RIF1: variants seen among roughly 807,000 people sequenced by gnomAD.
RIF1 encodes the protein replication timing regulatory factor 1, also known as telomere-associated protein RIF1.
A neutral mutation model predicts 247.1 loss-of-function variants in RIF1; 45 were observed. The observed-to-expected ratio is 0.18, with a 90% CI of 0.14 to 0.23. RIF1 has a LOEUF of 0.23. RIF1 is among the 10% of genes least tolerant of loss of function. The pLI is 1.00. For synonymous variants in RIF1, 1,087 were observed against 978.8 expected, an observed-to-expected ratio of 1.11 and a Z score of -2.06; for missense variants, 2,967 against 2,862.5, an observed-to-expected ratio of 1.04 and a Z score of -0.83.
At chr2:151,418,511 C>G (rs537313997) in intron 6 of RIF1, among the ~76,000 whole-genome samples, 1 of 152,270 alleles carries the variant, frequency 6.6e-6, no homozygotes, top group Non-Finnish European at 1.5e-5. Flanking sequence ...GGGCAGCTTA[C>G]TGTAACTTTA....
At chr2:151,469,190 T>G (rs1428364089) in intron 33 of RIF1, among the ~76,000 whole-genome samples, 1 of 152,228 alleles carries the variant, frequency 6.6e-6, no homozygotes, top group African/African-American at 2.4e-5. Context: ...GTTTCCTTGA[T>G]GTTTTAAGTC....
At chr2:151,456,471 A>G (rs554787010) in intron 22 of RIF1, 107 bp from the exon 23 acceptor site, 10 of 633,098 alleles carry the variant, frequency 1.6e-5, no homozygotes, top group South Asian at 4.0e-5. Context: ...TATATCATCA[A>G]TTTATATTTA....
Position 151,420,390 on chromosome 2 carries a change from T to C in RIF1, c.693+11T>C, listed in dbSNP as rs1242536008. On this transcript the variant is annotated intron_variant, in intron 7 of 35. Transcript: ENST00000444746. The stretch of plus-strand genomic sequence containing the variant: ...CAGCTTATGACTACTGTGAGTGTTC[T>C]TTTATGTAAGAATTTTCTGGATACT... 4.3e-6 allele frequency: 7 copies of C among 1,612,356 alleles called. No individual in the cohort carries two copies. The highest frequency in any genetic ancestry group is 5.9e-6 in the Non-Finnish European group (7 of 1,178,788).
At position 151,481,207 on chromosome 2, in the gene RIF1, T is replaced by G. The variant is rs2049154754; in HGVS notation, c.*6136T>G. On this transcript the variant is annotated 3_prime_UTR_variant, in exon 36 of 36. Transcript: ENST00000444746. ...GTTTTGCTCATGCATGGCATGTTAG[T>G]CAATTTAGTTATTTGCTTCTAGCTG... 1 of 152,222 alleles carries G rather than the reference T, an allele frequency of 6.6e-6. No homozygotes were observed. Among genetic ancestry groups the G allele is most frequent in the Non-Finnish European group, 1.5e-5 (1 of 68,050 alleles). The allele number at this position is 152,222 out of a possible 1,614,324, so 9.4% of individuals were successfully genotyped here.
rs1341334782 is a variant in RIF1 at position 151,464,074 on chromosome 2, C to A, written c.4554C>A (p.Thr1518=). The change falls in exon 30 of 36, where the codon ACC becomes ACA. Residue 1518 remains threonine, a synonymous_variant. Transcript: ENST00000444746. ...ACATTAAGTCTGAGGGGGATGGTAC[C>A]CAGGACATTGTAGATAAGTCCTCTG... The part of the protein sequence containing the change: ...PENIKSEGDG[T]QDIVDKSSEK... 7.4e-6 allele frequency: 12 copies of A among 1,612,818 alleles called. No homozygotes were observed. The highest frequency in any genetic ancestry group is 1.3e-5 in the African/African-American group (1 of 74,712).
chr2:151,422,893 G>A (rs571658026), intron 7 of RIF1, 57 bp from the exon 8 acceptor site: 3 of 879,006 alleles, frequency 3.4e-6, no homozygotes, highest in South Asian at 1.5e-5. Context: ...CTAGACTTTG[G>A]TATTGGATTT....
At chr2:151,423,324 C>G (rs572085954) in intron 8 of RIF1, 45 of 296,046 alleles carry the variant, frequency 1.5e-4, no homozygotes, top group Non-Finnish European at 2.5e-4. Context: ...TGTTTTAGTT[C>G]TCATACCTTA....
In RIF1 at chr2:151,491,756, A is replaced by G. The variant is rs2152811147; in HGVS notation, c.*416-3473A>G. 2 of 1,591,720 alleles carry G rather than the reference A, an allele frequency of 1.3e-6. No homozygotes were observed. The highest frequency in any genetic ancestry group is 1.7e-6 in the Non-Finnish European group (2 of 1,168,192). On this transcript the variant is annotated intron_variant and NMD_transcript_variant, in intron 9 of 13. Transcript: ENST00000454583. Reference sequence around the variant, plus strand: ...CATAGTCAAAAACCGAACCAGGATTAGTACGCCAGACACGTAAACCTGAAA... The same window carrying G: ...CATAGTCAAAAACCGAACCAGGATTGGTACGCCAGACACGTAAACCTGAAA...
Position 151,474,885 on chromosome 2 carries a change from T to C in RIF1, c.7233T>C (p.Ile2411=), listed in dbSNP as rs781461538. 1.3e-6 allele frequency: 2 copies of C among 1,585,848 alleles called. No homozygotes were observed. Among genetic ancestry groups the C allele is most frequent in the African/African-American group, 2.7e-5 (2 of 74,340 alleles). Residue 2411 remains isoleucine, a synonymous_variant, in exon 36 of 36, where the codon ATT becomes ATC. Transcript: ENST00000444746. ...SDIIDPVALE[I]PLSKNLLAQI... is the part of the protein sequence containing the mutation. ...TAATTGATCCTGTTGCTTTAGAAAT[T>C]CCATTATCCAAAAACCTTCTGGCAC... is the stretch of plus-strand genomic sequence containing the variant.
chr2:151,463,362 T>G lies in RIF1; in HGVS notation c.3842T>G (p.Val1281Gly). The G allele has an allele frequency of 6.2e-7, 1 of 1,613,812 alleles. No individual in the cohort carries two copies. The highest frequency in any genetic ancestry group is 8.5e-7 in the Non-Finnish European group (1 of 1,179,960). Residue 1281 changes from valine (V) to glycine (G), a missense_variant, in exon 30 of 36, where the codon GTG becomes GGG. By Grantham distance (109) the Val-to-Gly change is moderately radical. Around this residue, in one of 7 missense-constraint regions of RIF1, gnomAD observed 2,028 missense variants for 1,825.6 expected, o/e 1.11. Coordinates refer to ENST00000444746, the MANE Select transcript of RIF1 (RefSeq NM_018151.5). ...TFSKSDSEKI[V>G]NGTKRSSRRA... is the part of the protein sequence containing the mutation. ...TCAAAATCTGATTCTGAAAAAATAG[T>G]GAATGGAACTAAGAGATCAAGCCGG...
At chr2:151,446,945 CTTTT>C (rs71403169) in intron 20 of RIF1, among the ~76,000 whole-genome samples, 24 of 137,646 alleles carry the variant, frequency 1.7e-4, no homozygotes, top group South Asian at 2.3e-4. Context: ...TTTTCTCTTT[CTTTT>C]TTTTTTTTTT....
intron 10 of RIF1, chr2:151,497,281 A>ATT (rs376283107): frequency 1.5e-5 from 11 of 752,054 alleles, no homozygotes; most frequent in East Asian, 2.6e-4. Flanking sequence ...TATCCATGTT[A>ATT]TTTTTTTTTT....
intron 11 of RIF1, chr2:151,502,782 C>T: frequency 1.3e-6 from 2 of 1,538,520 alleles, no homozygotes; most frequent in East Asian, 2.3e-5. Flanking sequence ...TTTTGGCCCC[C>T]TAAGAAATAC....
Position 151,446,516 on chromosome 2 carries a change from T to C in RIF1, c.2185T>C (p.Leu729=). 1 of 1,613,684 alleles carries C rather than the reference T, an allele frequency of 6.2e-7. No homozygotes were observed. Among genetic ancestry groups the C allele is most frequent in the Non-Finnish European group, 8.5e-7 (1 of 1,179,942 alleles). ...TTTGGTGGCAACAGCAGAAGAGAAC[T>C]TGTGCTGTGAGGAACTTTCTTCCAA... is the stretch of plus-strand genomic sequence containing the variant. ...AALVATAEEN[L]CCEELSSKIM... Residue 729 remains leucine, a synonymous_variant, in exon 20 of 36, where the codon TTG becomes CTG. Coordinates refer to ENST00000444746, the MANE Select transcript of RIF1 (RefSeq NM_018151.5).
intron 9 of RIF1, among the ~76,000 whole-genome samples, chr2:151,494,779 G>T (rs1264871257): frequency 1.3e-5 from 2 of 152,198 alleles, no homozygotes; most frequent in East Asian, 3.8e-4. Context: ...CTCCTGAGTA[G>T]CTGGGATTAC....
chr2:151,522,088 A>G, the RIF1 span, among the ~76,000 whole-genome samples: 1 of 152,214 alleles, frequency 6.6e-6, no homozygotes, highest in African/African-American at 2.4e-5. Context: ...CCCGGGGTTT[A>G]TAATCCCATC....
intron 34 of RIF1, among the ~76,000 whole-genome samples, chr2:151,472,166 C>G (rs564730986): frequency 4.6e-5 from 7 of 152,234 alleles, no homozygotes; most frequent in Non-Finnish European, 1.0e-4. Context: ...ATTTGGCTCT[C>G]TGTTTGTCTG....
At chr2:151,441,237 A>C (rs1692245858) in intron 15 of RIF1, among the ~76,000 whole-genome samples, 1 of 152,174 alleles carries the variant, frequency 6.6e-6, no homozygotes, top group Non-Finnish European at 1.5e-5. Context: ...AAAAAAAGAC[A>C]GTATGGTAGT....
intron 9 of RIF1, chr2:151,493,836 G>A: frequency 1.3e-6 from 2 of 1,582,866 alleles, no homozygotes; most frequent in African/African-American, 1.3e-5. Context: ...GGGTGTGGGG[G>A]TTGCTTTCCC....
Sources: allele counts gnomAD v4.1 joint callset (sites outside exome capture counted in the v4.1 genomes callset), GRCh38; gene constraint gnomAD v4.1.1; regional missense constraint gnomAD v4.1.1; transcripts MANE v1.5; gene names NCBI Gene and HGNC (gene_info 2026-07-23, HGNC 2026-07-21).